The following OBP2B variants were observed in gnomAD, a reference collection of about 807,000 sequenced individuals.
OBP2B encodes odorant binding protein 2B, also known as odorant-binding protein 2b.
A neutral mutation model predicts 21.7 loss-of-function variants in OBP2B; 10 were observed. The observed-to-expected ratio is 0.46, with a 90% CI of 0.28 to 0.78. The LOEUF (loss-of-function observed/expected upper bound fraction) is 0.78, where lower values mean the gene tolerates loss of function less well. Among genes scored for constraint, OBP2B ranks in the 30% least tolerant of loss-of-function variants. The pLI, the probability that OBP2B is intolerant of heterozygous loss-of-function variation, is 0.11. For synonymous variants in OBP2B, 73 were observed against 91.5 expected (o/e 0.80, Z 1.16); for missense variants, 153 against 217.7 (o/e 0.70, Z 1.87).
At chr9:133,209,341 C>G (rs1404829550), upstream of OBP2B, 2 of 786,176 alleles carry the variant, frequency 2.5e-6, no homozygotes, top group Non-Finnish European at 4.2e-6. This position sits in a 1 kb window ranked among gnomAD's most constrained non-coding sequence, Gnocchi z 6.0. Context: ...CCCATGGTGG[C>G]AACCAGTCCT....
chr9:133,208,457 G>T lies in OBP2B; in HGVS notation c.206+12C>A. 6.2e-7 allele frequency: 1 copy of T among 1,612,776 alleles called. No individual in the cohort carries two copies. Among genetic ancestry groups the T allele is most frequent in the Non-Finnish European group, 8.5e-7 (1 of 1,179,162 alleles). ...AAGTGGCCTGAGGGGCCCTGCAGTGGGCAACACTCACATGAAGGTGAACGT... is the reference window on the plus strand; with the variant it reads ...AAGTGGCCTGAGGGGCCCTGCAGTGTGCAACACTCACATGAAGGTGAACGT... On this transcript the variant is annotated intron_variant, in intron 2 of 6. Transcript: ENST00000372034.
chr9:133,211,232 A>G (rs1156745991), upstream of OBP2B, among the ~76,000 whole-genome samples: 1 of 152,206 alleles, frequency 6.6e-6, no homozygotes, highest in African/African-American at 2.4e-5. Flanking sequence ...GCTTACGATG[A>G]ATCTCAGTTA....
At chr9:133,215,382 TTC>T in the OBP2B span, among the ~76,000 whole-genome samples, 2 of 152,320 alleles carry the variant, frequency 1.3e-5, no homozygotes, top group Admixed American at 6.5e-5. Flanking sequence ...TCTATCAAAA[TTC>T]CAGAAGGAAT....
chr9:133,206,211 C>T (rs28507496), intron 5 of OBP2B, 104 bp downstream of exon 5: 550,866 of 1,299,530 alleles, frequency 0.42, 119,739 homozygotes, highest in East Asian at 0.59. Context: ...TCGGGGCACA[C>T]GGGGAATGCG....
chr9:133,216,485 A>T, the OBP2B span, among the ~76,000 whole-genome samples: 41 of 99,570 alleles, frequency 4.1e-4, no homozygotes, highest in African/African-American at 1.4e-3. Flanking sequence ...TGACAGGTTT[A>T]AAAAAAAAAA....
Position 133,207,318 on chromosome 9 carries a change from A to C in OBP2B, c.296T>G (p.Met99Arg), listed in dbSNP as rs1416602316. The stretch of plus-strand genomic sequence containing the variant: ...CCTCCTGGGCAGCTCCTGCAGGTAC[A>C]TGAGCTTCCTGCCCCCATCTGTAGA... ...KYSAYGGRKL[M>R]YLQELPRRDH... is the part of the protein sequence containing the mutation. The change falls in exon 4 of 7, where the codon ATG (methionine) becomes AGG (arginine). Residue 99 changes from methionine to arginine, a missense_variant. Coordinates refer to ENST00000372034, the MANE Select transcript of OBP2B (RefSeq NM_014581.4). 1.2e-6 allele frequency: 2 copies of C among 1,611,702 alleles called. No individual in the cohort carries two copies. The highest frequency in any genetic ancestry group is 1.3e-5 in the African/African-American group (1 of 74,856).
rs376939460 is a variant in OBP2B, at chr9:133,206,389, G to C, written c.416C>G (p.Ala139Gly). The stretch of plus-strand genomic sequence containing the variant: ...CACCAATTTCTTAAATTCTTCCAGG[G>C]CCTCCCGGTTGGTATCAGAATTCCT... Reference protein sequence around the residue: ...VGRNSDTNREALEEFKKLVQR... With the variant: ...VGRNSDTNREGLEEFKKLVQR... The change falls in exon 5 of 7, where the codon GCC becomes GGC. Residue 139 changes from alanine (A) to glycine (G), a missense_variant. Physicochemically the swap from Ala to Gly is moderately conservative, Grantham distance 60. Around this residue, in one of 2 missense-constraint regions of OBP2B, gnomAD observed 151 missense variants for 186.3 expected, o/e 0.81. Coordinates refer to ENST00000372034, the MANE Select transcript of OBP2B (RefSeq NM_014581.4). 2.5e-6 allele frequency: 4 copies of C among 1,614,066 alleles called. No homozygotes were observed. Among genetic ancestry groups the C allele is most frequent in the Non-Finnish European group, 1.7e-6 (2 of 1,179,976 alleles).
intron 4 of OBP2B, chr9:133,206,628 C>G (rs1466965416): frequency 7.9e-6 from 5 of 631,072 alleles, no homozygotes; most frequent in Non-Finnish European, 1.4e-5. Flanking sequence ...GACCAGAGCT[C>G]TGGGGTGGGG....
chr9:133,213,466 C>T (rs1329211372), upstream of OBP2B, among the ~76,000 whole-genome samples: 3 of 152,082 alleles, frequency 2.0e-5, no homozygotes, highest in African/African-American at 4.8e-5. Flanking sequence ...CAGAAAAAAT[C>T]GAAAGCAGAA....
At chr9:133,218,324 T>G in the OBP2B span, among the ~76,000 whole-genome samples, 1 of 152,086 alleles carries the variant, frequency 6.6e-6, no homozygotes, top group Non-Finnish European at 1.5e-5. Flanking sequence ...GGAACTGCCA[T>G]GTAGGGATTA....
chr9:133,222,585 G>A, the OBP2B span, among the ~76,000 whole-genome samples: 12 of 152,260 alleles, frequency 7.9e-5, no homozygotes, highest in Middle Eastern at 3.4e-3. Context: ...AAAATTAGCC[G>A]GGCGTGGAGG....
Position 133,206,249 on chromosome 9 carries a change from G to A in OBP2B, c.490+66C>T, listed in dbSNP as rs1347793042. On this transcript the variant is annotated intron_variant, in intron 5 of 6. Coordinates refer to ENST00000372034, the MANE Select transcript of OBP2B (RefSeq NM_014581.4). Reference sequence around the variant, plus strand: ...GGACATGGGAGGACATGGGGGTCATGGGACACTGGAGATAGCAGACAGACA... The same window carrying A: ...GGACATGGGAGGACATGGGGGTCATAGGACACTGGAGATAGCAGACAGACA... The A allele has an allele frequency of 1.8e-5, 27 of 1,519,854 alleles. No individual in the cohort carries two copies. The Admixed American group carries it at 4.3e-4, about 24-fold the overall frequency. 94.1% of individuals were successfully genotyped at this position (1,519,854 alleles called of 1,614,324 possible). A position where few individuals can be genotyped will look rare whatever the true frequency, so the allele number is the denominator to read the frequency against.
At chr9:133,211,427 C>T (rs533545521), upstream of OBP2B, among the ~76,000 whole-genome samples, 11 of 152,330 alleles carry the variant, frequency 7.2e-5, no homozygotes, top group South Asian at 1.2e-3. Flanking sequence ...CCCACGCTCT[C>T]GGCCCACCTG....
the OBP2B span, among the ~76,000 whole-genome samples, chr9:133,220,182 T>G: frequency 6.6e-6 from 1 of 152,226 alleles, no homozygotes; most frequent in African/African-American, 2.4e-5. Flanking sequence ...TGGAATTAGA[T>G]AGTGGTGATG....
intron 3 of OBP2B, 38 bp from the exon 4 acceptor site, chr9:133,207,374 A>T: frequency 4.5e-6 from 6 of 1,334,808 alleles, no homozygotes; most frequent in African/African-American, 1.4e-5. Context: ...TCCCAGAGAG[A>T]ACACTCGGGG....
rs1317283485 is a variant in OBP2B at position 133,208,151 on chromosome 9, G to C, written c.259C>G (p.Pro87Ala). ...GGCTCACAGGCGCTGTATTTGCCAG[G>C]CTCCTCCGTCTTCCGCATCAGGATT... ...KKILMRKTEE[P>A]GKYSAYGGRK... Residue 87 changes from proline (P) to alanine (A), a missense_variant, in exon 3 of 7, where the codon CCT (proline) becomes GCT (alanine). Around this residue, in one of 2 missense-constraint regions of OBP2B, gnomAD observed 151 missense variants for 186.3 expected, o/e 0.81. Coordinates refer to ENST00000372034, the MANE Select transcript of OBP2B (RefSeq NM_014581.4). The C allele has an allele frequency of 6.2e-7, 1 of 1,611,450 alleles. No individual in the cohort carries two copies.
At chr9:133,210,234 T>C (rs782020552), upstream of OBP2B, among the ~76,000 whole-genome samples, 1 of 152,140 alleles carries the variant, frequency 6.6e-6, no homozygotes, top group Non-Finnish European at 1.5e-5. Context: ...GTGTGTCATC[T>C]TCCCTGGGAC....
chr9:133,207,139 A>G (rs1451284475), intron 4 of OBP2B, 87 bp downstream of exon 4: 19 of 946,102 alleles, frequency 2.0e-5, no homozygotes, highest in Non-Finnish European at 2.9e-5. Flanking sequence ...CTTTTCCCCC[A>G]TGCCAGGGCA....
chr9:133,221,659 C>A, the OBP2B span, among the ~76,000 whole-genome samples: 1 of 152,190 alleles, frequency 6.6e-6, no homozygotes, highest in Non-Finnish European at 1.5e-5. Context: ...ACAGGCAAGA[C>A]AATGGAGATG....
Sources: gnomAD v4.1 joint callset for allele counts (sites outside exome capture counted in the v4.1 genomes callset) on GRCh38, gnomAD v4.1.1 for gene constraint, gnomAD v4.1.1 regional missense constraint, Gnocchi (gnomAD v3.1) non-coding constraint, MANE v1.5 for transcripts, NCBI Gene and HGNC (gene_info 2026-07-23, HGNC 2026-07-21) for gene names.